SPAG5: variants seen among roughly 807,000 people sequenced by gnomAD.
SPAG5 encodes sperm-associated antigen 5.
SPAG5 carries 99 observed loss-of-function variants against 145.4 expected under a neutral mutation model. The ratio of observed to expected loss-of-function variants is 0.68; its 90% CI spans 0.58 to 0.80. SPAG5 has a LOEUF of 0.80. Ranked by LOEUF, SPAG5 falls within the 30% of genes least tolerant of loss-of-function variation. SPAG5 has a pLI of 0.00. For synonymous variants in SPAG5, 477 were observed against 525.4 expected (o/e 0.91, Z 1.26); for missense variants, 1,192 against 1,416.0 (o/e 0.84, Z 2.54).
intron 2 of SPAG5, 190 bp downstream of exon 2, chr17:28,598,320 C>G: frequency 1.7e-6 from 1 of 575,754 alleles, no homozygotes; most frequent in Non-Finnish European, 2.9e-6. Flanking sequence ...AACAGAGATT[C>G]AAGTTCTCAC....
Position 28,577,643 on chromosome 17 carries a change from G to C in SPAG5, c.*56C>G. 8.2e-7 allele frequency: 1 copy of C among 1,213,960 alleles called. No individual in the cohort carries two copies. Among genetic ancestry groups the C allele is most frequent in the South Asian group, 1.2e-5 (1 of 82,894 alleles). 75.2% of individuals were successfully genotyped at this position (1,213,960 alleles called of 1,614,324 possible). A position where few individuals can be genotyped will look rare whatever the true frequency, so the allele number is the denominator to read the frequency against. Reference sequence around the variant, plus strand: ...TCTATGCCAGTTGGTCTTGGTATTGGGGTAAGGGGGTATTGCAGGTAAAAA... The same window carrying C: ...TCTATGCCAGTTGGTCTTGGTATTGCGGTAAGGGGGTATTGCAGGTAAAAA... On this transcript the variant is annotated 3_prime_UTR_variant, in exon 24 of 24. Coordinates refer to ENST00000321765, the MANE Select transcript of SPAG5 (RefSeq NM_006461.4).
At chr17:28,580,415 A>G (rs1488380714) in intron 15 of SPAG5, 1 of 180,162 alleles carries the variant, frequency 5.6e-6, no homozygotes, top group Non-Finnish European at 1.2e-5. Context: ...AAGAAAAAAG[A>G]AAGAAAAAAA....
chr17:28,578,484 A>C lies in SPAG5; in HGVS notation c.3243T>G (p.Arg1081=). The C allele has an allele frequency of 1.9e-6, 3 of 1,612,892 alleles. No homozygotes were observed. The highest frequency in any genetic ancestry group is 2.5e-6 in the Non-Finnish European group (3 of 1,180,032). ...EVTHLTRSLR[R]AETETKVLQE... ...GGAGCACTTTGGTCTCTGTCTCCGC[A>C]CGCCGAAGTGAGCGGGTAAGGTGGG... is the stretch of plus-strand genomic sequence containing the variant. The change falls in exon 21 of 24, where the codon CGT becomes CGG. Residue 1081 remains arginine (R), a synonymous_variant. Coordinates refer to ENST00000321765, the MANE Select transcript of SPAG5 (RefSeq NM_006461.4).
Position 28,578,664 on chromosome 17 carries a change from G to C in SPAG5, c.3198+8C>G, listed in dbSNP as rs775585583. 1.4e-5 allele frequency: 22 copies of C among 1,613,054 alleles called. No homozygotes were observed. In the East Asian group the frequency reaches 4.0e-4, roughly 29 times the overall value. Reference sequence around the variant, plus strand: ...AAGGCAAAGGCCTGGGCATGATGGTGAACATACTATGAGCTCGCCACTCTT... The same window carrying C: ...AAGGCAAAGGCCTGGGCATGATGGTCAACATACTATGAGCTCGCCACTCTT... On this transcript the variant is annotated splice_region_variant and intron_variant, in intron 20 of 23. Transcript: ENST00000321765.
At chr17:28,577,797 T>C (rs762476115) in intron 23 of SPAG5, 27 bp from the exon 24 acceptor site, 1 of 1,591,982 alleles carries the variant, frequency 6.3e-7, no homozygotes, top group Non-Finnish European at 8.6e-7. Flanking sequence ...AAAACGCAGC[T>C]CAGGACCACA....
intron 10 of SPAG5, 132 bp downstream of exon 10, chr17:28,584,970 C>A: frequency 1.1e-6 from 1 of 875,466 alleles, no homozygotes; most frequent in Non-Finnish European, 1.8e-6. Context: ...GGCCATCTTA[C>A]AGCTAAGAGA....
At chr17:28,577,857 G>T in intron 23 of SPAG5, 87 bp from the exon 24 acceptor site, 1 of 1,290,776 alleles carries the variant, frequency 7.7e-7, no homozygotes, top group Non-Finnish European at 1.1e-6. Flanking sequence ...CTGAATTAGA[G>T]GGGAGAAAAC....
At chr17:28,584,840 T>C (rs2070573439) in intron 10 of SPAG5, 95 bp from the exon 11 acceptor site, 1 of 1,002,630 alleles carries the variant, frequency 1.0e-6, no homozygotes, top group South Asian at 1.3e-5. Context: ...GACAGAAAAC[T>C]ACCTTGCTCC....
intron 15 of SPAG5, among the ~76,000 whole-genome samples, chr17:28,580,939 C>T (rs1282104797): frequency 2.0e-5 from 3 of 152,192 alleles, no homozygotes; most frequent in African/African-American, 7.2e-5. Flanking sequence ...CAGAAGGTTC[C>T]ACAGTCAATC....
At chr17:28,594,381 G>T (rs946969512) in intron 2 of SPAG5, among the ~76,000 whole-genome samples, 12 of 152,212 alleles carry the variant, frequency 7.9e-5, no homozygotes, top group African/African-American at 2.4e-4. Flanking sequence ...GGATCACGAG[G>T]TCAGGAGATC....
intron 16 of SPAG5, 61 bp downstream of exon 16, chr17:28,579,948 A>G: frequency 6.6e-7 from 1 of 1,516,436 alleles, no homozygotes; most frequent in Admixed American, 1.7e-5. Context: ...CATCTTCAAC[A>G]GCAGAAGATA....
intron 5 of SPAG5, 68 bp from the exon 6 acceptor site, chr17:28,586,250 AG>A: frequency 7.2e-7 from 1 of 1,393,722 alleles, no homozygotes; most frequent in Non-Finnish European, 1.0e-6. Flanking sequence ...GGCACTGGGG[AG>A]GAAAACCGCT....
At chr17:28,586,737 G>A (rs2070587795) in intron 4 of SPAG5, among the ~76,000 whole-genome samples, 1 of 151,978 alleles carries the variant, frequency 6.6e-6, no homozygotes, top group Non-Finnish European at 1.5e-5. Flanking sequence ...TCACCATGTT[G>A]GCCAGGCTGG....
Position 28,579,262 on chromosome 17 carries a change from G to A in SPAG5, c.3006-10C>T, listed in dbSNP as rs1417375225. On this transcript the variant is annotated splice_polypyrimidine_tract_variant and intron_variant, in intron 18 of 23. Transcript: ENST00000321765. The stretch of plus-strand genomic sequence containing the variant: ...AGCTTGCAGCTCACAACTGAAGGAA[G>A]GAAGAATTTAGCAACATTCCTGTCC... 6.2e-7 allele frequency: 1 copy of A among 1,614,048 alleles called. No individual in the cohort carries two copies. The highest frequency in any genetic ancestry group is 1.7e-5 in the Admixed American group (1 of 60,020).
At position 28,577,905 on chromosome 17, in the gene SPAG5, C is replaced by T. The variant is rs557209694; in HGVS notation, c.3510+105G>A. On this transcript the variant is annotated intron_variant, in intron 23 of 23. Transcript: ENST00000321765. ...GAAGCCTGCAATAGTGATTCAGGCC[C>T]AGCTCTCAGCACAGGCTGGGAACCA... 4.9e-6 allele frequency: 6 copies of T among 1,222,780 alleles called. No homozygotes were observed. In the African/African-American group the frequency reaches 6.0e-5, roughly 12 times the overall value. The allele number at this position is 1,222,780 out of a possible 1,614,324, so 75.7% of individuals were successfully genotyped here. A position where few individuals can be genotyped will look rare whatever the true frequency, so the allele number is the denominator to read the frequency against.
intron 4 of SPAG5, among the ~76,000 whole-genome samples, chr17:28,590,762 A>G (rs535990821): frequency 6.7e-6 from 1 of 149,260 alleles, no homozygotes; most frequent in East Asian, 2.0e-4. Context: ...CCAGCTACTC[A>G]GGAGGCTGAG....
At position 28,584,193 on chromosome 17, in the gene SPAG5, G is replaced by A; in HGVS notation, c.2369C>T (p.Ala790Val). ...HMQAELQQQQ[A>V]VLAKEVRDLK... ...GTCCCGCACCTCTTTGGCCAGGACA[G>A]CTTGTTGCTGCTGCAGTTCTGCCTG... The change falls in exon 13 of 24, where the codon GCT becomes GTT. Residue 790 changes from alanine (A) to valine (V), a missense_variant. Ala to Val is a moderately conservative substitution (Grantham distance 64, BLOSUM62 0). Coordinates refer to ENST00000321765, the MANE Select transcript of SPAG5 (RefSeq NM_006461.4). The A allele has an allele frequency of 6.2e-7, 1 of 1,613,988 alleles. No homozygotes were observed. The highest frequency in any genetic ancestry group is 8.5e-7 in the Non-Finnish European group (1 of 1,180,040).
At chr17:28,579,918 T>G in intron 16 of SPAG5, 81 bp from the exon 17 acceptor site, 1 of 1,536,732 alleles carries the variant, frequency 6.5e-7, no homozygotes, top group South Asian at 1.1e-5. Flanking sequence ...CAGGGTAAGA[T>G]AGACAAGCCC....
intron 4 of SPAG5, among the ~76,000 whole-genome samples, chr17:28,588,101 T>TG (rs1285716373): frequency 1.3e-5 from 2 of 152,200 alleles, no homozygotes; most frequent in Non-Finnish European, 2.9e-5. Flanking sequence ...GCTGATTTCT[T>TG]GGAGTTCATG....
Sources: gnomAD v4.1 joint callset for allele counts (sites outside exome capture counted in the v4.1 genomes callset) on GRCh38, gnomAD v4.1.1 for gene constraint, MANE v1.5 for transcripts, NCBI Gene and HGNC (gene_info 2026-07-23, HGNC 2026-07-21) for gene names.